SUN1: variants seen among roughly 807,000 people sequenced by gnomAD.
The protein encoded by SUN1 is SUN domain-containing protein 1.
Under a neutral mutation model 103.2 loss-of-function variants are expected in SUN1, and 61 were observed. That is an observed-to-expected ratio of 0.59 (90% CI 0.48 to 0.73). The LOEUF (loss-of-function observed/expected upper bound fraction) is 0.73, where lower values mean the gene tolerates loss of function less well. Among genes scored for constraint, SUN1 ranks in the 30% least tolerant of loss-of-function variants. The pLI, the probability that SUN1 is intolerant of heterozygous loss-of-function variation, is 0.00. For synonymous variants in SUN1, 490 were observed against 425.7 expected (o/e 1.15, Z -1.86); for missense variants, 1,052 against 1,034.6 (o/e 1.02, Z -0.23).
intron 1 of SUN1, among the ~76,000 whole-genome samples, chr7:823,925 ATTACAGATGGG>A (rs1002394983): frequency 3.9e-5 from 6 of 152,266 alleles, no homozygotes; most frequent in Non-Finnish European, 8.8e-5. Context: ...ACCAACTGGA[ATTACAGATGGG>A]TTACATGAAT....
At chr7:833,047 C>G (rs1298591556) in intron 1 of SUN1, 2 of 157,696 alleles carry the variant, frequency 1.3e-5, no homozygotes, top group African/African-American at 2.4e-5. Flanking sequence ...GAGTTTTCTG[C>G]TTTTATTCAT....
intron 15 of SUN1, among the ~76,000 whole-genome samples, chr7:865,533 CA>C (rs1362806372): frequency 1.3e-5 from 2 of 152,252 alleles, no homozygotes; most frequent in African/African-American, 2.4e-5. Context: ...TGTAAACAAG[CA>C]GTGCTGCACA....
intron 1 of SUN1, among the ~76,000 whole-genome samples, chr7:817,684 T>C (rs759072910): frequency 6.6e-6 from 1 of 152,224 alleles, no homozygotes; most frequent in Non-Finnish European, 1.5e-5. Context: ...GTGTAATCTG[T>C]TTTTACTCCC....
chr7:864,825 C>T (rs1312985569), intron 15 of SUN1, among the ~76,000 whole-genome samples: 1 of 152,086 alleles, frequency 6.6e-6, no homozygotes, highest in Non-Finnish European at 1.5e-5. Flanking sequence ...GATGGAGTTT[C>T]ACCATGTTGG....
intron 16 of SUN1, among the ~76,000 whole-genome samples, chr7:867,103 T>C (rs1206542181): frequency 6.6e-6 from 1 of 152,194 alleles, no homozygotes; most frequent in Non-Finnish European, 1.5e-5. Context: ...GAGGATCACA[T>C]GGGACTGTCG....
chr7:817,191 CG>C (rs1366551767), intron 1 of SUN1: 2 of 547,694 alleles, frequency 3.7e-6, no homozygotes, highest in Admixed American at 3.1e-5. Flanking sequence ...ACCTCCTGAG[CG>C]CGAGCTATCC....
Position 862,148 on chromosome 7 carries a change from G to C in SUN1, c.1864+684G>C, listed in dbSNP as rs532937002. Reference sequence around the variant, plus strand: ...CTCAGGGAAGGTGTGCACCACACCTGTTATGGAAATCAAAATCTTGGTTTT... The same window carrying C: ...CTCAGGGAAGGTGTGCACCACACCTCTTATGGAAATCAAAATCTTGGTTTT... On this transcript the variant is annotated intron_variant, in intron 15 of 18. Transcript: ENST00000401592. Among the ~76,000 whole-genome samples, 4 of 152,340 alleles carry C rather than the reference G, an allele frequency of 2.6e-5. No individual in the cohort carries two copies. The East Asian group carries it at 7.7e-4, about 29-fold the overall frequency.
chr7:855,335 C>T (rs977127436), intron 11 of SUN1, among the ~76,000 whole-genome samples: 1 of 152,208 alleles, frequency 6.6e-6, no homozygotes, highest in Admixed American at 6.5e-5. Context: ...CTGCCACACA[C>T]CCACCTTGCA....
At chr7:825,713 T>C (rs1791092220) in intron 1 of SUN1, among the ~76,000 whole-genome samples, 1 of 152,240 alleles carries the variant, frequency 6.6e-6, no homozygotes, top group South Asian at 2.1e-4. Flanking sequence ...GCAATGCCAA[T>C]TCTTGTTTAT....
chr7:850,082 T>C (rs1286306485), intron 5 of SUN1: 2 of 1,489,668 alleles, frequency 1.3e-6, no homozygotes, highest in South Asian at 2.4e-5. Context: ...CACCATGCTA[T>C]TTGTGTCTTG....
intron 1 of SUN1, among the ~76,000 whole-genome samples, chr7:826,536 T>C (rs1323688930): frequency 1.3e-5 from 2 of 152,164 alleles, no homozygotes; most frequent in Admixed American, 6.5e-5. Context: ...GTGGGGCTTG[T>C]GGCAGATGGC....
chr7:837,755 C>T (rs1365727460), intron 1 of SUN1, among the ~76,000 whole-genome samples: 1 of 152,226 alleles, frequency 6.6e-6, no homozygotes, highest in African/African-American at 2.4e-5. Flanking sequence ...CTCCTGTCTC[C>T]ACTGGACACT....
At chr7:820,957 C>T (rs1785304917) in intron 1 of SUN1, among the ~76,000 whole-genome samples, 1 of 152,026 alleles carries the variant, frequency 6.6e-6, no homozygotes, top group South Asian at 2.1e-4. Flanking sequence ...ATTGTTCTTC[C>T]ATGTTCTCCA....
At chr7:857,147 C>T (rs1302028038) in intron 12 of SUN1, among the ~76,000 whole-genome samples, 1 of 152,166 alleles carries the variant, frequency 6.6e-6, no homozygotes, top group Non-Finnish European at 1.5e-5. Context: ...GTATTCCCCA[C>T]AGCCCTCCCC....
intron 12 of SUN1, 24 bp downstream of exon 12, chr7:856,425 A>C (rs745877294): frequency 2.5e-6 from 4 of 1,613,550 alleles, no homozygotes; most frequent in Admixed American, 1.7e-5. Flanking sequence ...GAAAACATTC[A>C]CTTTTGTCTT....
rs755220201 is a variant in SUN1, at chr7:860,239, G to A, written c.1636G>A (p.Asp546Asn). The change falls in exon 14 of 19, where the codon GAC becomes AAC. Residue 546 changes from aspartate (D) to asparagine (N), a missense_variant. Asp to Asn is a conservative substitution (Grantham distance 23). Transcript: ENST00000401592. ...CTCATCACAGTTTGTGAGCAAAGGC[G>A]ACTTGCAGACGATGCTGCGAGACCT... Reference protein sequence around the residue: ...RFSSQFVSKGDLQTMLRDLQL... With the variant: ...RFSSQFVSKGNLQTMLRDLQL... 3.0e-5 allele frequency: 49 copies of A among 1,614,096 alleles called. No individual in the cohort carries two copies. The highest frequency in any genetic ancestry group is 4.4e-5 in the South Asian group (4 of 91,088).
chr7:832,122 A>G (rs1798550858), upstream of SUN1: 1 of 1,014,966 alleles, frequency 9.9e-7, no homozygotes, highest in Non-Finnish European at 1.2e-6. Context: ...TTTAGTTAGT[A>G]AAATAAAAAC....
At chr7:855,965 G>T (rs532489331) in intron 11 of SUN1, among the ~76,000 whole-genome samples, 1 of 152,332 alleles carries the variant, frequency 6.6e-6, no homozygotes, top group Non-Finnish European at 1.5e-5. Flanking sequence ...TGGGGCTGAC[G>T]CTGGTGCTCA....
chr7:870,518 G>T (rs963207605), intron 17 of SUN1, among the ~76,000 whole-genome samples: 1 of 152,042 alleles, frequency 6.6e-6, no homozygotes, highest in Non-Finnish European at 1.5e-5. Flanking sequence ...CCCAGGAGGC[G>T]GTGGTCACAG....
Sources: gnomAD v4.1 joint callset for allele counts (sites outside exome capture counted in the v4.1 genomes callset) on GRCh38, gnomAD v4.1.1 for gene constraint, MANE v1.5 for transcripts, NCBI Gene and HGNC (gene_info 2026-07-23, HGNC 2026-07-21) for gene names.